ARIH1: variants seen among roughly 807,000 people sequenced by gnomAD.
ARIH1 encodes the protein ariadne RBR E3 ubiquitin protein ligase 1.
Under a neutral mutation model 85.0 loss-of-function variants are expected in ARIH1, and 8 were observed. That is an observed-to-expected ratio of 0.09 (90% confidence interval 0.06 to 0.17). ARIH1 has a LOEUF of 0.17. Ranked by LOEUF, ARIH1 falls within the 10% of genes least tolerant of loss-of-function variation. ARIH1 has a pLI of 1.00. For synonymous variants in ARIH1, 238 were observed against 253.6 expected, an observed-to-expected ratio of 0.94 and a Z score of 0.59; for missense variants, 311 against 718.1, an observed-to-expected ratio of 0.43 and a Z score of 6.48.
At chr15:72,493,270 G>C (rs551496426) in intron 1 of ARIH1, among the ~76,000 whole-genome samples, 103 of 148,958 alleles carry the variant, frequency 6.9e-4, no homozygotes, top group African/African-American at 2.3e-3. Flanking sequence ...AACACTTTTT[G>C]GGGGGGGAGG....
chr15:72,516,916 C>T (rs2063977570), intron 1 of ARIH1, among the ~76,000 whole-genome samples: 2 of 152,110 alleles, frequency 1.3e-5, no homozygotes, highest in South Asian at 4.1e-4. Flanking sequence ...TAAGCAGACA[C>T]ATGTTTGAGT....
At chr15:72,502,230 T>A (rs758010927) in intron 1 of ARIH1, among the ~76,000 whole-genome samples, 2 of 152,226 alleles carry the variant, frequency 1.3e-5, no homozygotes, top group Non-Finnish European at 2.9e-5. Flanking sequence ...AAACATTGTA[T>A]TAAAACACTG....
intron 6 of ARIH1, 74 bp from the exon 7 acceptor site, chr15:72,563,320 A>G: frequency 7.4e-7 from 1 of 1,343,990 alleles, no homozygotes; most frequent in Non-Finnish European, 1.1e-6. Flanking sequence ...TGGCCTCCCT[A>G]AGTTCTGGGA....
intron 2 of ARIH1, among the ~76,000 whole-genome samples, chr15:72,520,792 TCTTTGTCCTTTC>T (rs1212363192): frequency 1.3e-5 from 2 of 152,196 alleles, no homozygotes; most frequent in Non-Finnish European, 1.5e-5. Context: ...TAAATTTTTT[TCTTTGTCCTTTC>T]CTTGTCCCTA....
At chr15:72,537,483 A>G (rs1433278416) in intron 2 of ARIH1, among the ~76,000 whole-genome samples, 1 of 152,146 alleles carries the variant, frequency 6.6e-6, no homozygotes, top group Non-Finnish European at 1.5e-5. Context: ...AGAACTATTT[A>G]TTTTAGTATT....
intron 2 of ARIH1, among the ~76,000 whole-genome samples, chr15:72,534,826 C>T (rs900783085): frequency 5.3e-5 from 8 of 152,060 alleles, no homozygotes; most frequent in Admixed American, 5.2e-4. Flanking sequence ...AGGCCTCAAT[C>T]TTAAGAGCTG....
At chr15:72,499,073 C>T (rs1487646129) in intron 1 of ARIH1, among the ~76,000 whole-genome samples, 4 of 143,848 alleles carry the variant, frequency 2.8e-5, no homozygotes, top group Admixed American at 6.9e-5. Context: ...CTCTGCCTCC[C>T]GGGTTCAAGC....
intron 1 of ARIH1, among the ~76,000 whole-genome samples, chr15:72,501,433 C>G (rs2063903036): frequency 6.6e-6 from 1 of 152,126 alleles, no homozygotes; most frequent in Admixed American, 6.5e-5. Flanking sequence ...AATTGCTAAT[C>G]AGAATCCCAC....
At chr15:72,548,871 T>C (rs576494892) in intron 3 of ARIH1, among the ~76,000 whole-genome samples, 1 of 152,300 alleles carries the variant, frequency 6.6e-6, no homozygotes, top group East Asian at 1.9e-4. Flanking sequence ...ACATGCACAT[T>C]TTAAAATAAG....
intron 1 of ARIH1, among the ~76,000 whole-genome samples, chr15:72,515,747 A>G (rs998988714): frequency 4.6e-5 from 7 of 152,092 alleles, no homozygotes; most frequent in African/African-American, 1.7e-4. Context: ...AGTGATTTAT[A>G]TCCTAATTTT....
At chr15:72,533,092 C>T (rs1368064662) in intron 2 of ARIH1, among the ~76,000 whole-genome samples, 1 of 152,068 alleles carries the variant, frequency 6.6e-6, no homozygotes, top group Admixed American at 6.6e-5. Flanking sequence ...AAAATGAAAA[C>T]AAAATACAGT....
intron 1 of ARIH1, among the ~76,000 whole-genome samples, chr15:72,502,212 A>G (rs1313813623): frequency 6.6e-6 from 1 of 152,198 alleles, no homozygotes; most frequent in Non-Finnish European, 1.5e-5. Context: ...ACATCCTTCT[A>G]CTTACAGAAA....
At position 72,574,978 on chromosome 15, in the gene ARIH1, A is replaced by C. The variant is rs187160368; in HGVS notation, c.1215+2813A>C. On this transcript the variant is annotated intron_variant, in intron 11 of 13. Coordinates refer to ENST00000379887, the MANE Select transcript of ARIH1 (RefSeq NM_005744.5). ...GCCATGCATGTTGGTGTGTGCCTAT[A>C]GTCTCAGCTATTTGGGAGCTGAGGT... Among the ~76,000 whole-genome samples, 479 of 150,376 alleles carry C rather than the reference A, an allele frequency of 3.2e-3. 4 individuals carry two copies. Among genetic ancestry groups the C allele is most frequent in the African/African-American group, 0.011 (466 of 40,980 alleles).
At chr15:72,516,041 T>C (rs2063973607) in intron 1 of ARIH1, among the ~76,000 whole-genome samples, 1 of 152,244 alleles carries the variant, frequency 6.6e-6, no homozygotes, top group Non-Finnish European at 1.5e-5. Flanking sequence ...ACTAGGAATC[T>C]GTTTTAACAA....
chr15:72,496,727 A>G (rs2063881738), intron 1 of ARIH1: 1 of 849,178 alleles, frequency 1.2e-6, no homozygotes, highest in Non-Finnish European at 1.4e-6. Context: ...TTTAATTTTT[A>G]TCAAGTGTGT....
At chr15:72,502,234 AAC>A (rs1009190954) in intron 1 of ARIH1, among the ~76,000 whole-genome samples, 4 of 152,204 alleles carry the variant, frequency 2.6e-5, no homozygotes, top group African/African-American at 9.7e-5. Context: ...ATTGTATTAA[AAC>A]ACTGATTAAA....
At chr15:72,573,186 C>T (rs188619491) in intron 11 of ARIH1, among the ~76,000 whole-genome samples, 53 of 152,278 alleles carry the variant, frequency 3.5e-4, no homozygotes, top group African/African-American at 1.3e-3. Flanking sequence ...ATAAAAATAT[C>T]ATATATAGAA....
At chr15:72,498,848 T>TA (rs200906515) in intron 1 of ARIH1, among the ~76,000 whole-genome samples, 9,816 of 124,470 alleles carry the variant, frequency 0.079, 484 homozygotes, top group African/African-American at 0.16. Flanking sequence ...ATCTCAAAAA[T>TA]AAAAAAAAAA....
In ARIH1 at chr15:72,586,876, C is replaced by A. The variant is rs997008528; in HGVS notation, c.*3584C>A. On this transcript the variant is annotated 3_prime_UTR_variant, in exon 14 of 14. Coordinates refer to ENST00000379887, the MANE Select transcript of ARIH1 (RefSeq NM_005744.5). ...TTTTTAAAGAAAATACTTTAAAAGTCATTCTTAGCTAACCTCAAAACTCCT... is the reference window on the plus strand; with the variant it reads ...TTTTTAAAGAAAATACTTTAAAAGTAATTCTTAGCTAACCTCAAAACTCCT... 6.2e-6 allele frequency: 1 copy of A among 160,376 alleles called. No individual in the cohort carries two copies. The highest frequency in any genetic ancestry group is 6.5e-5 in the Admixed American group (1 of 15,390). The allele number at this position is 160,376 out of a possible 1,614,324, so 9.9% of individuals were successfully genotyped here.
Sources: allele counts gnomAD v4.1 joint callset (sites outside exome capture counted in the v4.1 genomes callset), GRCh38; gene constraint gnomAD v4.1.1; transcripts MANE v1.5; gene names NCBI Gene and HGNC (gene_info 2026-07-23, HGNC 2026-07-21).